Variants in CSMD1 observed in about 807,000 individuals in gnomAD.
CSMD1 encodes the protein CUB and Sushi multiple domains 1.
CSMD1 carries 213 observed loss-of-function variants against 417.5 expected under a neutral mutation model. That is an observed-to-expected ratio of 0.51 (90% CI 0.46 to 0.57). The LOEUF (loss-of-function observed/expected upper bound fraction) is 0.57, where lower values mean the gene tolerates loss of function less well. Among genes scored for constraint, CSMD1 ranks in the 20% least tolerant of loss-of-function variants. CSMD1 has a pLI of 0.00. For missense variants in CSMD1, 6,923 were observed against 4,529.7 expected, an observed-to-expected ratio of 1.53 and a Z score of -15.17; for synonymous variants, 2,862 against 1,736.8, an observed-to-expected ratio of 1.65 and a Z score of -16.11.
intron 8 of CSMD1, chr8:3,613,296 A>T (rs1415060153): frequency 4.7e-6 from 2 of 422,124 alleles, no homozygotes; most frequent in Admixed American, 5.5e-5. Flanking sequence ...GAAAATTCCA[A>T]TTCCAGGTAG....
At chr8:4,380,284 T>C (rs1309829989) in intron 3 of CSMD1, among the ~76,000 whole-genome samples, 2 of 152,022 alleles carry the variant, frequency 1.3e-5, no homozygotes, top group Non-Finnish European at 2.9e-5. Context: ...GTGACTAAGG[T>C]CAGCATCTGC....
rs367649302 is a variant in CSMD1, at chr8:4,448,839, CTCTA to C, written c.303-28778_303-28775del. On this transcript the variant is annotated intron_variant, in intron 2 of 69. Transcript: ENST00000635120. ...TCTGGGACAGGGTAAAAGGTAATTT[CTCTA>C]TCTTCTTTCTGATGTGTATCCAATT... is the stretch of plus-strand genomic sequence containing the variant. Among the ~76,000 whole-genome samples the C allele has an allele frequency of 1.6e-3, 236 of 152,194 alleles. 1 individual carries two copies. Among genetic ancestry groups the C allele is most frequent in the African/African-American group, 5.3e-3 (219 of 41,532 alleles).
At chr8:3,255,772 T>A (rs118079828) in intron 26 of CSMD1, among the ~76,000 whole-genome samples, 9,257 of 152,220 alleles carry the variant, frequency 0.061, 414 homozygotes, top group Non-Finnish European at 0.087. Context: ...CTGTCAACAC[T>A]TTCTTTGACT....
intron 3 of CSMD1, among the ~76,000 whole-genome samples, chr8:4,323,490 C>CT (rs112319415): frequency 0.66 from 100,688 of 151,642 alleles, 34,424 homozygotes; most frequent in African/African-American, 0.83. Context: ...AGGGCTTTCT[C>CT]TGAAACCTGT....
chr8:4,068,355 G>C (rs990087979), intron 3 of CSMD1, among the ~76,000 whole-genome samples: 1 of 152,162 alleles, frequency 6.6e-6, no homozygotes, highest in Non-Finnish European at 1.5e-5. Flanking sequence ...AAAGCAGAGA[G>C]GGGATCTTAT....
chr8:4,290,525 G>C (rs766513771), intron 3 of CSMD1, among the ~76,000 whole-genome samples: 1 of 152,158 alleles, frequency 6.6e-6, no homozygotes, highest in African/African-American at 2.4e-5. Flanking sequence ...ATGTTTCTCT[G>C]AGTTATGGGG....
At chr8:4,890,861 T>C (rs1372140059) in intron 1 of CSMD1, among the ~76,000 whole-genome samples, 1 of 152,006 alleles carries the variant, frequency 6.6e-6, no homozygotes, top group Non-Finnish European at 1.5e-5. Flanking sequence ...TCACATTGAG[T>C]GACAAGAAAC....
chr8:4,091,954 G>C (rs1193098821), intron 3 of CSMD1, among the ~76,000 whole-genome samples: 1 of 152,136 alleles, frequency 6.6e-6, no homozygotes, highest in South Asian at 2.1e-4. Context: ...GAGGAAAAGG[G>C]ACTCACGTAA....
intron 8 of CSMD1, among the ~76,000 whole-genome samples, chr8:3,590,622 C>G (rs17395729): frequency 6.6e-6 from 1 of 151,942 alleles, no homozygotes; most frequent in Non-Finnish European, 1.5e-5. Flanking sequence ...TGCAAATTAT[C>G]GGAAAAAGCC....
intron 1 of CSMD1, among the ~76,000 whole-genome samples, chr8:4,645,892 G>A (rs1803488507): frequency 6.6e-6 from 1 of 152,046 alleles, no homozygotes; most frequent in Non-Finnish European, 1.5e-5. Flanking sequence ...CTTAAACATT[G>A]TACTTAAAAT....
rs910421007 is a variant in CSMD1, at chr8:4,274,667, T to C, written c.415+145286A>G. ...AGGTCTCCATTAAATTTACTTAAAA[T>C]AAAATTAAATGTTTCTTAGAAGTGC... On this transcript the variant is annotated intron_variant, in intron 3 of 69. Transcript: ENST00000635120. 3.9e-5 allele frequency among the ~76,000 whole-genome samples: 6 copies of C among 152,222 alleles called. No homozygotes were observed. The East Asian group carries it at 1.2e-3, about 29-fold the overall frequency.
Position 4,322,441 on chromosome 8 carries a change from T to C in CSMD1, c.415+97512A>G, listed in dbSNP as rs144453868. Among the ~76,000 whole-genome samples the C allele has an allele frequency of 2.5e-3, 375 of 152,270 alleles. 1 individual carries two copies. The highest frequency in any genetic ancestry group is 2.8e-3 in the Non-Finnish European group (193 of 68,026). On this transcript the variant is annotated intron_variant, in intron 3 of 69. Transcript: ENST00000635120. ...CTACATATGGCAGAATATTCTATCA[T>C]AAGAGTAGGAAAAACCCATAGCTCT...
chr8:4,311,697 T>A (rs1798583393), intron 3 of CSMD1, among the ~76,000 whole-genome samples: 1 of 128,588 alleles, frequency 7.8e-6, no homozygotes, highest in African/African-American at 3.0e-5. Context: ...CACTCCAGCC[T>A]GGGCAACAAA....
intron 10 of CSMD1, among the ~76,000 whole-genome samples, chr8:3,558,819 G>C (rs537358170): frequency 1.3e-5 from 2 of 151,708 alleles, no homozygotes; most frequent in African/African-American, 4.9e-5. Flanking sequence ...AGCACCTCGT[G>C]TCCACTCCTC....
chr8:4,271,316 G>A lies in CSMD1; in HGVS notation c.415+148637C>T, dbSNP rs144632702. Among the ~76,000 whole-genome samples, 537 of 152,256 alleles carry A rather than the reference G, an allele frequency of 3.5e-3. 3 individuals are homozygous for A. The highest frequency in any genetic ancestry group is 0.012 in the African/African-American group (487 of 41,550). On this transcript the variant is annotated intron_variant, in intron 3 of 69. Coordinates refer to ENST00000635120, the MANE Select transcript of CSMD1 (RefSeq NM_033225.6). ...GGCAACCATCAACCCACAGAGGTTG[G>A]TGAAATCGTTCATTAGTAAGAAACA...
chr8:4,948,522 C>A (rs1034533651), intron 1 of CSMD1, among the ~76,000 whole-genome samples: 2 of 151,918 alleles, frequency 1.3e-5, no homozygotes, highest in East Asian at 1.9e-4. Flanking sequence ...GTTTCATAAT[C>A]TTGTGAATAC....
chr8:3,771,476 G>C (rs1358105822), intron 5 of CSMD1, among the ~76,000 whole-genome samples: 1 of 152,162 alleles, frequency 6.6e-6, no homozygotes, highest in Non-Finnish European at 1.5e-5. Context: ...AGCAGGGCCA[G>C]GCCAATTCTC....
chr8:3,727,687 T>A (rs938744111), intron 6 of CSMD1, among the ~76,000 whole-genome samples: 1 of 152,132 alleles, frequency 6.6e-6, no homozygotes, highest in Non-Finnish European at 1.5e-5. Context: ...ACAGCATTAT[T>A]TACAATAACC....
In CSMD1 at chr8:4,735,075, G is replaced by A. The variant is rs141622934; in HGVS notation, c.86-97517C>T. 7.7e-3 allele frequency among the ~76,000 whole-genome samples: 1,169 copies of A among 152,306 alleles called. 13 individuals are homozygous for A. Among genetic ancestry groups the A allele is most frequent in the Non-Finnish European group, 8.0e-3 (546 of 68,026 alleles). On this transcript the variant is annotated intron_variant, in intron 1 of 69. Transcript: ENST00000635120. ...GTTCAGTAGAAGCAAATTGCTGCTCGTTAAAATTTGGGAAAGTTTCCGCAG... is the reference window on the plus strand; with the variant it reads ...GTTCAGTAGAAGCAAATTGCTGCTCATTAAAATTTGGGAAAGTTTCCGCAG...
Sources: allele counts gnomAD v4.1 joint callset (sites outside exome capture counted in the v4.1 genomes callset), GRCh38; gene constraint gnomAD v4.1.1; transcripts MANE v1.5; gene names NCBI Gene and HGNC (gene_info 2026-07-23, HGNC 2026-07-21).